The following CRISPLD2 variants were observed in gnomAD, a reference collection of about 807,000 sequenced individuals.
CRISPLD2 encodes cysteine rich secretory protein LCCL domain containing 2, also known as cysteine-rich secretory protein LCCL domain-containing 2.
CRISPLD2 carries 47 observed loss-of-function variants against 71.1 expected under a neutral mutation model. That is an observed-to-expected ratio of 0.66 (90% CI 0.52 to 0.84). The LOEUF is 0.84. Ranked by LOEUF, CRISPLD2 falls within the 40% of genes least tolerant of loss-of-function variation. CRISPLD2 has a pLI of 0.00. For synonymous variants in CRISPLD2, 317 were observed against 250.1 expected (o/e 1.27, Z -2.52); for missense variants, 830 against 651.1 (o/e 1.27, Z -2.99).
At chr16:84,884,933 T>C (rs2071599323) in intron 13 of CRISPLD2, among the ~76,000 whole-genome samples, 1 of 152,208 alleles carries the variant, frequency 6.6e-6, no homozygotes, top group African/African-American at 2.4e-5. Context: ...ACCGAAGGGA[T>C]GGGTCCCTCC....
In CRISPLD2 at chr16:84,906,675, A is replaced by G. The variant is rs1164280516; in HGVS notation, c.*33A>G. The G allele has an allele frequency of 1.2e-6, 2 of 1,612,856 alleles. No individual in the cohort carries two copies. The highest frequency in any genetic ancestry group is 3.3e-5 in the Admixed American group (2 of 60,022). On this transcript the variant is annotated 3_prime_UTR_variant, in exon 15 of 15. Transcript: ENST00000262424. ...GCACCAGGGGAGAAGGGGCGTCTTC[A>G]GGAGGGCTTCGGGGTTTTGCTTTTA...
intron 14 of CRISPLD2, among the ~76,000 whole-genome samples, chr16:84,890,563 G>C (rs2071652689): frequency 6.6e-6 from 1 of 152,086 alleles, no homozygotes; most frequent in Non-Finnish European, 1.5e-5. Context: ...CTAGTAAGTA[G>C]TCTTCTCCAG....
At chr16:84,898,484 C>G (rs536567207) in intron 14 of CRISPLD2, among the ~76,000 whole-genome samples, 1 of 152,248 alleles carries the variant, frequency 6.6e-6, no homozygotes, top group Non-Finnish European at 1.5e-5. Flanking sequence ...TGTCTGGTAC[C>G]CTCTGGGCTC....
chr16:84,901,212 G>C (rs2143386048), intron 14 of CRISPLD2, among the ~76,000 whole-genome samples: 1 of 152,264 alleles, frequency 6.6e-6, no homozygotes, highest in African/African-American at 2.4e-5. Flanking sequence ...AAAGCAAAGT[G>C]CAGAGTGGTA....
chr16:84,886,956 C>G (rs1222004844), intron 13 of CRISPLD2, among the ~76,000 whole-genome samples: 1 of 152,244 alleles, frequency 6.6e-6, no homozygotes, highest in Non-Finnish European at 1.5e-5. Flanking sequence ...CCTGTACCCA[C>G]TGAACTGCAA....
chr16:84,902,924 C>A (rs1327142700), intron 14 of CRISPLD2, among the ~76,000 whole-genome samples: 1 of 151,634 alleles, frequency 6.6e-6, no homozygotes, highest in Non-Finnish European at 1.5e-5. Context: ...TGGTGCCTGC[C>A]ACCACAGCCA....
intron 3 of CRISPLD2, 135 bp from the exon 4 acceptor site, chr16:84,849,250 C>T: frequency 2.3e-6 from 2 of 864,724 alleles, no homozygotes; most frequent in Non-Finnish European, 3.6e-6. Flanking sequence ...TCCCGGCTGC[C>T]CGTGGCTGCT....
chr16:84,857,374 C>G (rs538655466), intron 6 of CRISPLD2, among the ~76,000 whole-genome samples: 1 of 152,352 alleles, frequency 6.6e-6, no homozygotes, highest in East Asian at 1.9e-4. Context: ...GGGATACAAA[C>G]ATCTTCACAG....
intron 1 of CRISPLD2, among the ~76,000 whole-genome samples, chr16:84,836,625 G>A (rs1162594657): frequency 6.6e-6 from 1 of 152,170 alleles, no homozygotes; most frequent in Non-Finnish European, 1.5e-5. Flanking sequence ...CATTCCCATA[G>A]CTCTTTGGCT....
At chr16:84,869,333 C>A (rs1383815381) in intron 8 of CRISPLD2, among the ~76,000 whole-genome samples, 2 of 152,202 alleles carry the variant, frequency 1.3e-5, no homozygotes, top group African/African-American at 4.8e-5. Context: ...CGCACGCACA[C>A]CCTCAGAGTC....
chr16:84,909,085 C>T lies in CRISPLD2; in HGVS notation c.*2443C>T, dbSNP rs2071830299. 6.6e-6 allele frequency: 1 copy of T among 152,448 alleles called. No individual in the cohort carries two copies. The highest frequency in any genetic ancestry group is 2.4e-5 in the African/African-American group (1 of 41,402). The allele number at this position is 152,448 out of a possible 1,614,324, so 9.4% of individuals were successfully genotyped here. On this transcript the variant is annotated 3_prime_UTR_variant, in exon 15 of 15. Transcript: ENST00000262424. ...CAAGACTATAAATGATAAGCCCTGTCCCTAGCACCACCTCTCCTGTGTGTG... is the reference window on the plus strand; with the variant it reads ...CAAGACTATAAATGATAAGCCCTGTTCCTAGCACCACCTCTCCTGTGTGTG...
intron 13 of CRISPLD2, among the ~76,000 whole-genome samples, chr16:84,884,239 C>G (rs1276606645): frequency 6.6e-6 from 1 of 152,216 alleles, no homozygotes; most frequent in Non-Finnish European, 1.5e-5. Flanking sequence ...GCAGTCCCGC[C>G]TCTGATCTTT....
intron 1 of CRISPLD2, among the ~76,000 whole-genome samples, chr16:84,822,223 T>C (rs1034639988): frequency 2.6e-5 from 4 of 152,170 alleles, no homozygotes; most frequent in African/African-American, 9.6e-5. Flanking sequence ...TGGTTCTGAG[T>C]CCTGCCTCTG....
chr16:84,878,085 G>A (rs2326400), intron 12 of CRISPLD2, among the ~76,000 whole-genome samples: 60,149 of 149,886 alleles, frequency 0.4, 12,774 homozygotes, highest in East Asian at 0.65. Flanking sequence ...TTAGCCGGGC[G>A]TGGTGGCGGG....
chr16:84,832,629 A>G (rs970020415), intron 1 of CRISPLD2, among the ~76,000 whole-genome samples: 4 of 152,238 alleles, frequency 2.6e-5, no homozygotes, highest in African/African-American at 9.6e-5. Context: ...ATGAGCAGGA[A>G]TTCATCTCCC....
chr16:84,883,282 G>C (rs2071583890), intron 13 of CRISPLD2, among the ~76,000 whole-genome samples: 1 of 152,184 alleles, frequency 6.6e-6, no homozygotes, highest in South Asian at 2.1e-4. Flanking sequence ...GATTGATTTT[G>C]GGAGAGTTGC....
At chr16:84,889,407 T>G (rs1290360577) in intron 14 of CRISPLD2, 44 bp downstream of exon 14, 2 of 1,574,304 alleles carry the variant, frequency 1.3e-6, no homozygotes, top group Non-Finnish European at 1.7e-6. Context: ...TCCCGGCTGC[T>G]AATGGTCCCT....
chr16:84,865,518 C>T (rs1344606695), intron 6 of CRISPLD2, among the ~76,000 whole-genome samples: 1 of 152,212 alleles, frequency 6.6e-6, no homozygotes, highest in Non-Finnish European at 1.5e-5. Context: ...AGTTATTCTC[C>T]TTGAAATTGT....
chr16:84,887,351 A>G (rs939456646), intron 13 of CRISPLD2, among the ~76,000 whole-genome samples: 9 of 152,270 alleles, frequency 5.9e-5, no homozygotes, highest in Middle Eastern at 3.4e-3. Context: ...TTGAACCACA[A>G]AGTGCCTGGG....
Sources: gnomAD v4.1 joint callset for allele counts (sites outside exome capture counted in the v4.1 genomes callset) on GRCh38, gnomAD v4.1.1 for gene constraint, MANE v1.5 for transcripts, NCBI Gene and HGNC (gene_info 2026-07-23, HGNC 2026-07-21) for gene names.